Variants in CRISPLD1 observed in about 807,000 individuals in gnomAD.
CRISPLD1 encodes the protein cysteine rich secretory protein LCCL domain containing 1.
In CRISPLD1, 60 loss-of-function variants were observed where a neutral mutation model predicts 77.5. The observed-to-expected ratio is 0.77, with a 90% CI of 0.63 to 0.96. The LOEUF (loss-of-function observed/expected upper bound fraction) is 0.96, where lower values mean the gene tolerates loss of function less well. Ranked by LOEUF, CRISPLD1 falls within the 40% of genes least tolerant of loss-of-function variation. CRISPLD1 has a pLI of 0.00. For synonymous variants in CRISPLD1, 195 were observed against 200.1 expected, an observed-to-expected ratio of 0.97 and a Z score of 0.22; for missense variants, 623 against 615.8, an observed-to-expected ratio of 1.01 and a Z score of -0.12.
At position 75,018,641 on chromosome 8, in the gene CRISPLD1, A is replaced by C. The variant is rs906794612; in HGVS notation, c.1127+1191A>C. On this transcript the variant is annotated intron_variant, in intron 10 of 14. Transcript: ENST00000262207. ...AGGGTGGTTTTTAGCTGTTAGTGAT[A>C]ACTCTTTTTAGCCAAAAAAAAAATT... 2.6e-5 allele frequency among the ~76,000 whole-genome samples: 4 copies of C among 151,482 alleles called. 1 individual carries two copies. The highest frequency in any genetic ancestry group is 2.0e-4 in the Admixed American group (3 of 15,188).
chr8:75,029,326 T>G (rs899824246), intron 13 of CRISPLD1, 61 bp from the exon 14 acceptor site: 1 of 1,537,004 alleles, frequency 6.5e-7, no homozygotes, highest in Non-Finnish European at 8.8e-7. Flanking sequence ...AATAGAAGAA[T>G]AGGCTGGACA....
chr8:74,990,852 A>G (rs558840460), intron 2 of CRISPLD1, among the ~76,000 whole-genome samples: 3 of 151,970 alleles, frequency 2.0e-5, no homozygotes, highest in Non-Finnish European at 4.4e-5. Context: ...ACACACAAAC[A>G]TCAATACACC....
intron 12 of CRISPLD1, among the ~76,000 whole-genome samples, chr8:75,020,650 A>C (rs1363607444): frequency 1.3e-5 from 2 of 152,180 alleles, no homozygotes; most frequent in Non-Finnish European, 2.9e-5. Flanking sequence ...AAGTTAGTCA[A>C]ATTGGGGATT....
chr8:75,012,703 A>T (rs915856566), intron 3 of CRISPLD1, 152 bp downstream of exon 3: 2 of 818,322 alleles, frequency 2.4e-6, no homozygotes, highest in Admixed American at 5.4e-5. Context: ...CACCAGAACA[A>T]TCAGCAGTTT....
chr8:74,995,587 A>C (rs116599702), intron 2 of CRISPLD1, among the ~76,000 whole-genome samples: 1 of 152,072 alleles, frequency 6.6e-6, no homozygotes, highest in Non-Finnish European at 1.5e-5. Flanking sequence ...CCATCCTTCT[A>C]CTTCAGCCTC....
intron 2 of CRISPLD1, among the ~76,000 whole-genome samples, chr8:75,006,259 A>G (rs1329934655): frequency 6.6e-6 from 1 of 152,186 alleles, no homozygotes; most frequent in African/African-American, 2.4e-5. Flanking sequence ...TCATCTAATT[A>G]GGCTACTTAA....
chr8:75,027,990 A>G (rs1425998503), intron 13 of CRISPLD1, among the ~76,000 whole-genome samples: 2 of 152,222 alleles, frequency 1.3e-5, no homozygotes, highest in African/African-American at 4.8e-5. Context: ...AGGCAATACA[A>G]TAGTCTCAAA....
chr8:75,015,465 A>G (rs922671176), intron 6 of CRISPLD1, among the ~76,000 whole-genome samples: 9 of 152,164 alleles, frequency 5.9e-5, no homozygotes, highest in Non-Finnish European at 2.9e-5. Context: ...TTGATATCTT[A>G]AAAAGTAAAT....
At chr8:74,988,951 A>T (rs753488137) in intron 2 of CRISPLD1, among the ~76,000 whole-genome samples, 17 of 152,232 alleles carry the variant, frequency 1.1e-4, no homozygotes, top group Non-Finnish European at 2.1e-4. Context: ...GGACACAAGA[A>T]TTCTTTGTTC....
Position 74,986,004 on chromosome 8 carries a change from G to C in CRISPLD1, c.17G>C (p.Arg6Pro). ...TCATTCATTATGAAGTGTACCGCGC[G>C]GGAGTGGCTCAGAGTAACCACAGTG... MKCTA[R>P]EWLRVTTVLF... The change falls in exon 2 of 15, where the codon CGG (arginine) becomes CCG (proline). Residue 6 changes from arginine to proline, a missense_variant. Physicochemically the swap from Arg to Pro is moderately radical, Grantham distance 103. Transcript: ENST00000262207. 6.2e-7 allele frequency: 1 copy of C among 1,613,990 alleles called. No homozygotes were observed. Among genetic ancestry groups the C allele is most frequent in the Non-Finnish European group, 8.5e-7 (1 of 1,179,904 alleles).
At chr8:75,019,847 C>T (rs1234071124) in intron 10 of CRISPLD1, 23 bp from the exon 11 acceptor site, 2 of 1,592,404 alleles carry the variant, frequency 1.3e-6, no homozygotes, top group East Asian at 2.2e-5. Context: ...AAATAATTAA[C>T]ATTTCTGTAT....
chr8:75,029,556 AT>A, intron 14 of CRISPLD1, 39 bp downstream of exon 14: 1 of 1,581,660 alleles, frequency 6.3e-7, no homozygotes, highest in Non-Finnish European at 8.7e-7. Flanking sequence ...TTTAAATACC[AT>A]CTATCACTGT....
chr8:75,019,946 C>T (rs1341549700), intron 11 of CRISPLD1, 33 bp downstream of exon 11: 5 of 1,608,890 alleles, frequency 3.1e-6, no homozygotes, highest in South Asian at 1.1e-5. Context: ...TTTCTTAGTA[C>T]TGTGTAGTAT....
At chr8:75,001,115 T>C (rs1371572958) in intron 2 of CRISPLD1, among the ~76,000 whole-genome samples, 1 of 152,128 alleles carries the variant, frequency 6.6e-6, no homozygotes, top group African/African-American at 2.4e-5. Context: ...AAATATAAAG[T>C]CATGTAAAAC....
At chr8:75,000,132 C>CA in intron 2 of CRISPLD1, 1 of 984,734 alleles carries the variant, frequency 1.0e-6, no homozygotes, top group Non-Finnish European at 1.2e-6. Flanking sequence ...CATAGCAACT[C>CA]AAACAATACA....
At chr8:75,026,900 G>A (rs1475833547) in intron 13 of CRISPLD1, 1 of 152,076 alleles carries the variant, frequency 6.6e-6, no homozygotes, top group Non-Finnish European at 1.5e-5. Context: ...TATCTTGAAT[G>A]TACTAGTCTT....
intron 13 of CRISPLD1, chr8:75,026,576 A>G (rs1474563434): frequency 1.3e-5 from 2 of 152,196 alleles, no homozygotes; most frequent in African/African-American, 4.8e-5. Context: ...GTGTGTAGAC[A>G]AAGTCTGAAA....
chr8:75,031,858 C>G (rs1291447874), intron 14 of CRISPLD1, among the ~76,000 whole-genome samples: 1 of 151,902 alleles, frequency 6.6e-6, no homozygotes, highest in Non-Finnish European at 1.5e-5. Flanking sequence ...AATTGAATAA[C>G]AGCTGCTGAA....
chr8:75,025,543 C>A lies in CRISPLD1; in HGVS notation c.1245-3C>A. The A allele has an allele frequency of 7.0e-7, 1 of 1,431,376 alleles. No homozygotes were observed. Among genetic ancestry groups the A allele is most frequent in the Non-Finnish European group, 9.6e-7 (1 of 1,045,346 alleles). The allele number at this position is 1,431,376 out of a possible 1,614,324, so 88.7% of individuals were successfully genotyped here. On this transcript the variant is annotated splice_polypyrimidine_tract_variant and splice_region_variant and intron_variant, in intron 12 of 14. Transcript: ENST00000262207. ...TATATATATAATATATTATTTTTTT[C>A]AGAGTATACTGTCCTCGTAACTGTA...
Sources: gnomAD v4.1 joint callset for allele counts (sites outside exome capture counted in the v4.1 genomes callset) on GRCh38, gnomAD v4.1.1 for gene constraint, MANE v1.5 for transcripts, NCBI Gene and HGNC (gene_info 2026-07-23, HGNC 2026-07-21) for gene names.